The following IRGQ variants were observed in gnomAD, a reference collection of about 807,000 sequenced individuals.
IRGQ encodes the protein immunity related GTPase Q.
In IRGQ, 5 loss-of-function variants were observed where a neutral mutation model predicts 10.5. The observed-to-expected ratio is 0.48, with a 90% CI of 0.25 to 1.00. The LOEUF is 1.00. IRGQ is among the 50% of genes least tolerant of loss of function. IRGQ has a pLI of 0.16. For synonymous variants in IRGQ, 418 were observed against 426.0 expected (o/e 0.98, Z 0.23); for missense variants, 792 against 877.7 (o/e 0.90, Z 1.23).
rs1972990835 is a variant in IRGQ at position 43,585,960 on chromosome 19, A to C, written c.*6066T>G. 1.3e-5 allele frequency: 2 copies of C among 152,098 alleles called. No individual in the cohort carries two copies. 9.4% of individuals were successfully genotyped at this position (152,098 alleles called of 1,614,324 possible). On this transcript the variant is annotated 3_prime_UTR_variant, in exon 3 of 3. Transcript: ENST00000422989. ...ATAGGATTTCTATTCATTTTTATTCATTCCTCCAAAGAGCACCACAGGCCA... is the reference window on the plus strand; with the variant it reads ...ATAGGATTTCTATTCATTTTTATTCCTTCCTCCAAAGAGCACCACAGGCCA...
chr19:43,595,065 A>G lies in IRGQ; in HGVS notation c.274T>C (p.Leu92=). The G allele has an allele frequency of 6.2e-7, 1 of 1,612,866 alleles. No homozygotes were observed. Among genetic ancestry groups the G allele is most frequent in the Non-Finnish European group, 8.5e-7 (1 of 1,179,574 alleles). ...LPGPEGNGEP[L]APALGEAALA... is the part of the protein sequence containing the mutation. ...GCTGCCTCTCCCAGGGCTGGAGCCAACGGTTCCCCGTTCCCCTCGGGTCCG... is the reference window on the plus strand; with the variant it reads ...GCTGCCTCTCCCAGGGCTGGAGCCAGCGGTTCCCCGTTCCCCTCGGGTCCG... The change falls in exon 2 of 3, where the codon TTG becomes CTG. Residue 92 remains leucine, a synonymous_variant. Coordinates refer to ENST00000422989, the MANE Select transcript of IRGQ (RefSeq NM_001007561.3).
At position 43,593,667 on chromosome 19, in the gene IRGQ, G is replaced by A. The variant is rs1973091980; in HGVS notation, c.531-300C>T. ...AAAACTTCCATGGAATACAGTATTT[G>A]GGGGCGGGGTTTTTCCAAGGGTCGG... On this transcript the variant is annotated intron_variant, in intron 2 of 2. Transcript: ENST00000422989. This position sits in a 1 kb window ranked among gnomAD's most constrained non-coding sequence, Gnocchi z 6.4. 6.6e-6 allele frequency among the ~76,000 whole-genome samples: 1 copy of A among 152,180 alleles called. No individual in the cohort carries two copies. The highest frequency in any genetic ancestry group is 1.5e-5 in the Non-Finnish European group (1 of 68,028).
Position 43,586,106 on chromosome 19 carries a change from A to G in IRGQ, c.*5920T>C, listed in dbSNP as rs551396665. 6.6e-6 allele frequency: 1 copy of G among 152,124 alleles called. No homozygotes were observed. Among genetic ancestry groups the G allele is most frequent in the Non-Finnish European group, 1.5e-5 (1 of 68,012 alleles). The allele number at this position is 152,124 out of a possible 1,614,324, so 9.4% of individuals were successfully genotyped here. A position where few individuals can be genotyped will look rare whatever the true frequency, so the allele number is the denominator to read the frequency against. On this transcript the variant is annotated 3_prime_UTR_variant, in exon 3 of 3. Transcript: ENST00000422989. ...GGAGGTTGTCTCGCCCACTCACCCA[A>G]GTTTTCCATGCCTGTTCTGCTTTTG... is the stretch of plus-strand genomic sequence containing the variant.
chr19:43,595,682 G>GT (rs1265214926), intron 1 of IRGQ, among the ~76,000 whole-genome samples: 9 of 152,068 alleles, frequency 5.9e-5, no homozygotes, highest in Non-Finnish European at 8.8e-5. Context: ...TGGCCAACAT[G>GT]TGGGGGGACT....
In IRGQ at chr19:43,594,439, G is replaced by A. The variant is rs555397158; in HGVS notation, c.530+370C>T. Among the ~76,000 whole-genome samples, 8 of 152,320 alleles carry A rather than the reference G, an allele frequency of 5.3e-5. No individual in the cohort carries two copies. The South Asian group carries it at 1.7e-3, about 32-fold the overall frequency. The stretch of plus-strand genomic sequence containing the variant: ...AGCCTGTAGTATTAGCTACTCTGGA[G>A]GCTGAGGCAGGAGGATCATTTGAGC... On this transcript the variant is annotated intron_variant, in intron 2 of 2. Transcript: ENST00000422989.
At position 43,592,509 on chromosome 19, in the gene IRGQ, T is replaced by G. The variant is rs1484016746; in HGVS notation, c.1389A>C (p.Pro463=). 1.4e-5 allele frequency: 23 copies of G among 1,595,068 alleles called. No homozygotes were observed. Among genetic ancestry groups the G allele is most frequent in the Non-Finnish European group, 2.0e-5 (23 of 1,178,282 alleles). Reference sequence around the variant, plus strand: ...TTCGGGCAGCGCTGGGAGATGCTGGTGGCAACGCCAGCAGCAGTGCCCCTG... The same window carrying G: ...TTCGGGCAGCGCTGGGAGATGCTGGGGGCAACGCCAGCAGCAGTGCCCCTG... The part of the protein sequence containing the change: ...AQAGALLLAL[P]PASPSAARTK... Residue 463 remains proline, a synonymous_variant, in exon 3 of 3, where the codon CCA becomes CCC. Transcript: ENST00000422989.
Position 43,586,424 on chromosome 19 carries a change from A to G in IRGQ, c.*5602T>C, listed in dbSNP as rs1442795850. ...ATATACAACTGTGTAAACACAACCA[A>G]TCTACAACTATATCAACACAACCAG... On this transcript the variant is annotated 3_prime_UTR_variant, in exon 3 of 3. Transcript: ENST00000422989. 1 of 152,192 alleles carries G rather than the reference A, an allele frequency of 6.6e-6. No individual in the cohort carries two copies. The highest frequency in any genetic ancestry group is 2.1e-4 in the South Asian group (1 of 4,834). The allele number at this position is 152,192 out of a possible 1,614,324, so 9.4% of individuals were successfully genotyped here. A position where few individuals can be genotyped will look rare whatever the true frequency, so the allele number is the denominator to read the frequency against.
At position 43,594,816 on chromosome 19, in the gene IRGQ, G is replaced by A; in HGVS notation, c.523C>T (p.Leu175=). 6.2e-7 allele frequency: 1 copy of A among 1,603,646 alleles called. No individual in the cohort carries two copies. Residue 175 remains leucine (L), a synonymous_variant, in exon 2 of 3, where the codon CTG becomes TTG. Coordinates refer to ENST00000422989, the MANE Select transcript of IRGQ (RefSeq NM_001007561.3). ...RAALQSQAEA[L]RRLLPPAQDG... is the part of the protein sequence containing the mutation. ...CAGAAAGCCGGCACTCACCTCCGCA[G>A]CGCTTCTGCCTGGCTCTGCAGCGCC...
Position 43,594,914 on chromosome 19 carries a change from G to A in IRGQ, c.425C>T (p.Ala142Val). ...CGCCGGTAGCACAAACAGATCCGCA[G>A]CTCCTAACCCCGCGCTGTTCAGCAG... ...AALLNSAGLGAADLFVLPANC... is the reference protein window; with the variant it reads ...AALLNSAGLGVADLFVLPANC... Residue 142 changes from alanine to valine, a missense_variant, in exon 2 of 3, where the codon GCT becomes GTT. Physicochemically the swap from Ala to Val is moderately conservative, Grantham distance 64. Transcript: ENST00000422989. 3.7e-6 allele frequency: 6 copies of A among 1,614,030 alleles called. No homozygotes were observed.
rs748590808 is a variant in IRGQ, at chr19:43,592,054, ACAGCCTCAGCAT to A, written c.1832_1843del (p.Asp611_Ala614del). 1 of 1,608,850 alleles carries A rather than the reference ACAGCCTCAGCAT, an allele frequency of 6.2e-7. No individual in the cohort carries two copies. The highest frequency in any genetic ancestry group is 8.5e-7 in the Non-Finnish European group (1 of 1,177,168). ...CTGGGCAGGCTCAGGGGGTGCCAGC[ACAGCCTCAGCAT>A]CAGCCCGCATCTCATCGAGAGCCTG... On this transcript the variant is annotated inframe_deletion, in exon 3 of 3. Transcript: ENST00000422989.
At position 43,592,516 on chromosome 19, in the gene IRGQ, GC is replaced by G; in HGVS notation, c.1381del (p.Ala461ArgfsTer91). The G allele has an allele frequency of 6.3e-7, 1 of 1,595,844 alleles. No homozygotes were observed. Among genetic ancestry groups the G allele is most frequent in the East Asian group, 2.2e-5 (1 of 44,796 alleles). ...AGCGCTGGGAGATGCTGGTGGCAAC[GC>G]CAGCAGCAGTGCCCCTGCCTGGGCT... is the stretch of plus-strand genomic sequence containing the variant. ...PPAQAGALLLALPPASPSAAR... is the reference protein window; with the variant it reads ...PPAQAGALLLXLPPASPSAAR... On this transcript the variant is annotated frameshift_variant, in exon 3 of 3. Transcript: ENST00000422989. LOFTEE classifies it high-confidence loss of function.
At chr19:43,594,511 C>T (rs902214459) in intron 2 of IRGQ, among the ~76,000 whole-genome samples, 2 of 151,746 alleles carry the variant, frequency 1.3e-5, no homozygotes, top group African/African-American at 2.4e-5. Context: ...GCACTGCACT[C>T]CAGCCTGGGC....
At position 43,594,967 on chromosome 19, in the gene IRGQ, G is replaced by A. The variant is rs761806230; in HGVS notation, c.372C>T (p.Ala124=). 1.2e-6 allele frequency: 2 copies of A among 1,613,984 alleles called. No homozygotes were observed. The highest frequency in any genetic ancestry group is 3.3e-5 in the Admixed American group (2 of 60,020). The change falls in exon 2 of 3, where the codon GCC becomes GCT. Residue 124 remains alanine (A), a synonymous_variant. Transcript: ENST00000422989. The part of the protein sequence containing the change: ...RNLRPGDSQT[A]AQARDQTAAL... ...CTGCTGTCTGATCACGGGCCTGGGC[G>A]GCAGTCTGTGAATCCCCAGGACGGA... is the stretch of plus-strand genomic sequence containing the variant.
rs760318852 is a variant in IRGQ, at chr19:43,587,328, T to TCAAAA, written c.*4693_*4697dup. On this transcript the variant is annotated 3_prime_UTR_variant, in exon 3 of 3. Transcript: ENST00000422989. ...CTGGGTGACAAAGTGAGACTCTGTC[T>TCAAAA]CAAAACAAAACAAAACAACCCAGCA... is the stretch of plus-strand genomic sequence containing the variant. 1 of 151,954 alleles carries TCAAAA rather than the reference T, an allele frequency of 6.6e-6. No homozygotes were observed. The highest frequency in any genetic ancestry group is 1.5e-5 in the Non-Finnish European group (1 of 68,018). 9.4% of individuals were successfully genotyped at this position (151,954 alleles called of 1,614,324 possible).
In IRGQ at chr19:43,591,486, G is replaced by A. The variant is rs963722669; in HGVS notation, c.*540C>T. 1 of 152,358 alleles carries A rather than the reference G, an allele frequency of 6.6e-6. No homozygotes were observed. Among genetic ancestry groups the A allele is most frequent in the Non-Finnish European group, 1.5e-5 (1 of 68,154 alleles). 9.4% of individuals were successfully genotyped at this position (152,358 alleles called of 1,614,324 possible). A position where few individuals can be genotyped will look rare whatever the true frequency, so the allele number is the denominator to read the frequency against. ...GGAGACAAAGACATAGTCCCTGCTA[G>A]AGTCTGGGCCACCAACTCCCTTCAG... On this transcript the variant is annotated 3_prime_UTR_variant, in exon 3 of 3. Coordinates refer to ENST00000422989, the MANE Select transcript of IRGQ (RefSeq NM_001007561.3).
chr19:43,593,206 C>A lies in IRGQ; in HGVS notation c.692G>T (p.Gly231Val). Residue 231 changes from glycine (G) to valine (V), a missense_variant, in exon 3 of 3, where the codon GGC (glycine) becomes GTC (valine). By Grantham distance (109) the Gly-to-Val change is moderately radical. Coordinates refer to ENST00000422989, the MANE Select transcript of IRGQ (RefSeq NM_001007561.3). The surrounding 1 kb of genome is among the most constrained non-coding windows in gnomAD (Gnocchi z 6.4). ...CACCACAAGGCCCACGTCAGCCTTG[C>A]CAGCCACGGCCAGGTCTAGCCGTGC... ...GSARLDLAVA[G>V]KADVGLVVDM... The A allele has an allele frequency of 1.3e-6, 2 of 1,572,674 alleles. No homozygotes were observed. The highest frequency in any genetic ancestry group is 8.6e-7 in the Non-Finnish European group (1 of 1,156,774).
At position 43,584,523 on chromosome 19, in the gene IRGQ, C is replaced by T. The variant is rs2146088796; in HGVS notation, c.*7503G>A. On this transcript the variant is annotated 3_prime_UTR_variant, in exon 3 of 3. Transcript: ENST00000422989. ...GAATTTAAGATTTTAATCATTGGGT[C>T]ATGTTGTTGGGGAGAAAGAGACCAC... The T allele has an allele frequency of 6.6e-6, 1 of 152,314 alleles. No individual in the cohort carries two copies. Among genetic ancestry groups the T allele is most frequent in the South Asian group, 2.1e-4 (1 of 4,826 alleles). The allele number at this position is 152,314 out of a possible 1,614,324, so 9.4% of individuals were successfully genotyped here.
rs1973063489 is a variant in IRGQ at position 43,592,102 on chromosome 19, C to A, written c.1796G>T (p.Gly599Val). 1 of 1,612,352 alleles carries A rather than the reference C, an allele frequency of 6.2e-7. No homozygotes were observed. Among genetic ancestry groups the A allele is most frequent in the African/African-American group, 1.3e-5 (1 of 74,922 alleles). The change falls in exon 3 of 3, where the codon GGC becomes GTC. Residue 599 changes from glycine (G) to valine (V), a missense_variant. Physicochemically the swap from Gly to Val is moderately radical, Grantham distance 109. Transcript: ENST00000422989. ...TGGLGYRAAH[G>V]VLLQALDEMR... is the part of the protein sequence containing the mutation. ...CTCATCGAGAGCCTGCAGCAGGACG[C>A]CGTGAGCCGCTCGGTAGCCCAGGCC...
In IRGQ at chr19:43,591,855, G is replaced by GA. The variant is rs10682090; in HGVS notation, c.*170dup. On this transcript the variant is annotated 3_prime_UTR_variant, in exon 3 of 3. Coordinates refer to ENST00000422989, the MANE Select transcript of IRGQ (RefSeq NM_001007561.3). The stretch of plus-strand genomic sequence containing the variant: ...AAGAGACTTCGTCTCACAAAAAAAA[G>GA]AAAAAAAAAAAAAAAAATCAGGATT... 59,333 of 463,790 alleles carry GA rather than the reference G, an allele frequency of 0.13. 419 individuals carry two copies. Among genetic ancestry groups the GA allele is most frequent in the East Asian group, 0.17 (4,821 of 28,406 alleles). The allele number at this position is 463,790 out of a possible 1,614,324, so 28.7% of individuals were successfully genotyped here. A position where few individuals can be genotyped will look rare whatever the true frequency, so the allele number is the denominator to read the frequency against.
Sources: allele counts gnomAD v4.1 joint callset (sites outside exome capture counted in the v4.1 genomes callset), GRCh38; gene constraint gnomAD v4.1.1; non-coding constraint Gnocchi (gnomAD v3.1); transcripts MANE v1.5; gene names NCBI Gene and HGNC (gene_info 2026-07-23, HGNC 2026-07-21).